Variants in RABGAP1L observed in about 807,000 individuals in gnomAD.
RABGAP1L encodes RAB GTPase activating protein 1 like.
Under a neutral mutation model 137.7 loss-of-function variants are expected in RABGAP1L, and 63 were observed. The ratio of observed to expected loss-of-function variants is 0.46; its 90% CI spans 0.37 to 0.56. RABGAP1L has a LOEUF of 0.56. RABGAP1L is among the 20% of genes least tolerant of loss of function. The pLI, the probability that RABGAP1L is intolerant of heterozygous loss-of-function variation, is 0.00. For synonymous variants in RABGAP1L, 431 were observed against 433.7 expected, an observed-to-expected ratio of 0.99 and a Z score of 0.08; for missense variants, 1,095 against 1,244.0, an observed-to-expected ratio of 0.88 and a Z score of 1.80.
At chr1:174,384,706 A>T (rs866047754) in intron 12 of RABGAP1L, among the ~76,000 whole-genome samples, 2 of 152,160 alleles carry the variant, frequency 1.3e-5, no homozygotes, top group Non-Finnish European at 2.9e-5. Context: ...CTGCAAAGTT[A>T]TGTCAAGTGC....
At chr1:174,262,172 G>C (rs1673630044) in intron 7 of RABGAP1L, among the ~76,000 whole-genome samples, 1 of 152,142 alleles carries the variant, frequency 6.6e-6, no homozygotes, top group South Asian at 2.1e-4. Flanking sequence ...ATAATTTGGG[G>C]AGTGGATAAC....
chr1:174,501,759 G>A (rs1661296694), intron 13 of RABGAP1L, among the ~76,000 whole-genome samples: 1 of 152,056 alleles, frequency 6.6e-6, no homozygotes, highest in South Asian at 2.1e-4. Flanking sequence ...AACTTAGTAG[G>A]TGTTAGTGTT....
intron 11 of RABGAP1L, among the ~76,000 whole-genome samples, chr1:174,316,541 T>C (rs1679391708): frequency 6.6e-6 from 1 of 152,184 alleles, no homozygotes; most frequent in South Asian, 2.1e-4. Flanking sequence ...ATTCTCTGGA[T>C]TACCATGCAG....
chr1:174,939,973 G>A (rs765212957), intron 19 of RABGAP1L, among the ~76,000 whole-genome samples: 12 of 152,298 alleles, frequency 7.9e-5, no homozygotes, highest in Middle Eastern at 3.4e-3. Context: ...CATCTACTAA[G>A]TATTCAGCTT....
intron 13 of RABGAP1L, among the ~76,000 whole-genome samples, chr1:174,551,007 T>TATATACATATATATATAC (rs1553330316): frequency 8.0e-6 from 1 of 124,358 alleles, no homozygotes; most frequent in African/African-American, 3.7e-5. Context: ...CACATATATA[T>TATATACATATATATATAC]ATATATATAT....
In RABGAP1L at chr1:174,615,957, C is replaced by A. The variant is rs539563164; in HGVS notation, c.1711-21418C>A. The stretch of plus-strand genomic sequence containing the variant: ...AAGTGCAGTATTCGGGTGGGAGTTA[C>A]CCGATTTTCCAGGTGCCGTCTGTCA... On this transcript the variant is annotated intron_variant, in intron 13 of 25. Transcript: ENST00000681986. Among the ~76,000 whole-genome samples the A allele has an allele frequency of 2.0e-3, 298 of 152,324 alleles. 1 individual carries two copies. The highest frequency in any genetic ancestry group is 6.8e-3 in the African/African-American group (283 of 41,574).
At chr1:174,648,108 A>C (rs944976735) in intron 14 of RABGAP1L, among the ~76,000 whole-genome samples, 1 of 151,390 alleles carries the variant, frequency 6.6e-6, no homozygotes, top group South Asian at 2.1e-4. Context: ...TTTTTTATTA[A>C]TCTGGGTAAT....
intron 1 of RABGAP1L, among the ~76,000 whole-genome samples, chr1:174,164,037 A>G (rs966868259): frequency 2.0e-5 from 3 of 152,148 alleles, no homozygotes; most frequent in Non-Finnish European, 2.9e-5. Context: ...GGGTGGGAAC[A>G]TGAGCACAAA....
chr1:174,466,045 A>G (rs1197394672), intron 13 of RABGAP1L, among the ~76,000 whole-genome samples: 4 of 152,176 alleles, frequency 2.6e-5, no homozygotes, highest in African/African-American at 7.2e-5. Context: ...TATTTGGACA[A>G]TGTGCTTCCC....
At chr1:174,573,324 G>A (rs1476115005) in intron 13 of RABGAP1L, among the ~76,000 whole-genome samples, 3 of 151,712 alleles carry the variant, frequency 2.0e-5, no homozygotes, top group Non-Finnish European at 2.9e-5. Flanking sequence ...TTGTGTGTGT[G>A]TGTATATATA....
chr1:174,456,111 A>G (rs947961313), intron 13 of RABGAP1L, among the ~76,000 whole-genome samples: 1 of 152,112 alleles, frequency 6.6e-6, no homozygotes, highest in Non-Finnish European at 1.5e-5. Context: ...GTGACATAGG[A>G]AAAATTATTT....
intron 19 of RABGAP1L, among the ~76,000 whole-genome samples, chr1:174,929,918 T>A (rs551524835): frequency 1.4e-5 from 2 of 147,822 alleles, no homozygotes; most frequent in African/African-American, 5.0e-5. Flanking sequence ...TGATGCAATC[T>A]CAGCTCACTG....
At chr1:174,741,049 T>G (rs1683358874) in intron 17 of RABGAP1L, among the ~76,000 whole-genome samples, 1 of 140,522 alleles carries the variant, frequency 7.1e-6, no homozygotes, top group Non-Finnish European at 1.6e-5. Flanking sequence ...TGTTTTGTTT[T>G]TTTTTTTTTG....
chr1:174,973,283 A>C (rs1670310988), intron 21 of RABGAP1L, among the ~76,000 whole-genome samples: 1 of 152,212 alleles, frequency 6.6e-6, no homozygotes, highest in South Asian at 2.1e-4. Context: ...AAATGTGCAA[A>C]TAAAAATAAT....
At chr1:174,383,921 C>T (rs1335735552) in intron 12 of RABGAP1L, among the ~76,000 whole-genome samples, 1 of 152,136 alleles carries the variant, frequency 6.6e-6, no homozygotes, top group African/African-American at 2.4e-5. Context: ...TATACCACCC[C>T]AGCAATTCCA....
chr1:174,598,923 C>G (rs1198422195), intron 13 of RABGAP1L, among the ~76,000 whole-genome samples: 1 of 152,036 alleles, frequency 6.6e-6, no homozygotes, highest in Non-Finnish European at 1.5e-5. Context: ...TATTGATAAA[C>G]TAAGGACCTA....
chr1:174,675,560 T>G (rs957986152), intron 14 of RABGAP1L, among the ~76,000 whole-genome samples: 2 of 152,054 alleles, frequency 1.3e-5, no homozygotes, highest in Admixed American at 1.3e-4. Flanking sequence ...TAGGATTGAC[T>G]TGGCGATGCG....
chr1:174,169,242 C>T (rs531555086), intron 1 of RABGAP1L, among the ~76,000 whole-genome samples: 8 of 151,060 alleles, frequency 5.3e-5, no homozygotes, highest in Admixed American at 1.3e-4. Flanking sequence ...TTTTTTGACA[C>T]GGAGTCTTGC....
chr1:174,459,543 C>T (rs974240976), intron 13 of RABGAP1L, among the ~76,000 whole-genome samples: 2 of 152,038 alleles, frequency 1.3e-5, no homozygotes, highest in African/African-American at 4.8e-5. Flanking sequence ...TTTAAATTAT[C>T]TCTGAGTTAC....
Sources: gnomAD v4.1 joint callset for allele counts (sites outside exome capture counted in the v4.1 genomes callset) on GRCh38, gnomAD v4.1.1 for gene constraint, MANE v1.5 for transcripts, NCBI Gene and HGNC (gene_info 2026-07-23, HGNC 2026-07-21) for gene names.